The following MFSD6 variants were observed in gnomAD, a reference collection of about 807,000 sequenced individuals.
MFSD6 encodes the protein major facilitator superfamily domain-containing protein 6.
MFSD6 carries 26 observed loss-of-function variants against 56.3 expected under a neutral mutation model. That is an observed-to-expected ratio of 0.46 (90% CI 0.34 to 0.64). The LOEUF (loss-of-function observed/expected upper bound fraction) is 0.64. Ranked by LOEUF, MFSD6 falls within the 30% of genes least tolerant of loss-of-function variation. The pLI, the probability that MFSD6 is intolerant of heterozygous loss-of-function variation, is 0.01. For missense variants in MFSD6, 750 were observed against 986.2 expected, an observed-to-expected ratio of 0.76 and a Z score of 3.21; for synonymous variants, 331 against 366.9, an observed-to-expected ratio of 0.90 and a Z score of 1.12.
In MFSD6 at chr2:190,439,076, C is replaced by T. The variant is rs965498940; in HGVS notation, c.1532+1515C>T. ...AAGAGAGCCCACATAATATTAAGGA[C>T]TCGGAATGCCCTTTAATTTTGTCCA... On this transcript the variant is annotated intron_variant, in intron 3 of 7. Coordinates refer to ENST00000392328, the MANE Select transcript of MFSD6 (RefSeq NM_017694.4). This position sits in a 1 kb window ranked among gnomAD's most constrained non-coding sequence, Gnocchi z 5.8. Among the ~76,000 whole-genome samples the T allele has an allele frequency of 1.3e-5, 2 of 152,050 alleles. No homozygotes were observed. Among genetic ancestry groups the T allele is most frequent in the African/African-American group, 4.8e-5 (2 of 41,416 alleles).
At chr2:190,444,783 G>C (rs1227309989) in intron 3 of MFSD6, 3 of 309,594 alleles carry the variant, frequency 9.7e-6, no homozygotes, top group Admixed American at 6.5e-5. Flanking sequence ...TGAGTATTAG[G>C]GTGCTAAAAC....
rs1371574878 is a variant in MFSD6 at position 190,472,138 on chromosome 2, G to GA, written c.1630+2289dup. Among the ~76,000 whole-genome samples, 8 of 152,082 alleles carry GA rather than the reference G, an allele frequency of 5.3e-5. No individual in the cohort carries two copies. The South Asian group carries it at 1.0e-3, about 20-fold the overall frequency. On this transcript the variant is annotated intron_variant, in intron 4 of 7. Transcript: ENST00000392328. ...AGGTAGTTAAAACCACAAAGATGGG[G>GA]AAAAAACAGAGCAGAAAAACTGAAA...
chr2:190,486,029 T>C (rs1688990262), intron 4 of MFSD6, among the ~76,000 whole-genome samples: 1 of 152,238 alleles, frequency 6.6e-6, no homozygotes, highest in South Asian at 2.1e-4. Context: ...ATTTCTGTCT[T>C]CCTATAAATA....
At chr2:190,452,873 A>G (rs566147245) in intron 3 of MFSD6, among the ~76,000 whole-genome samples, 130 of 152,326 alleles carry the variant, frequency 8.5e-4, no homozygotes, top group Non-Finnish European at 1.5e-3. Flanking sequence ...TGTACTGAAT[A>G]TAAGTGGCAA....
rs1687695009 is a variant in MFSD6, at chr2:190,467,986, CCT to C, written c.1533-1771_1533-1770del. On this transcript the variant is annotated intron_variant, in intron 3 of 7. Transcript: ENST00000392328. This position sits in a 1 kb window ranked among gnomAD's most constrained non-coding sequence, Gnocchi z 5.5. ...CTTTATAGAAAAGTGTTTGCTGACC[CCT>C]GAGTTAGGGTAAAGAGAGGCCACCC... Among the ~76,000 whole-genome samples, 2 of 152,168 alleles carry C rather than the reference CCT, an allele frequency of 1.3e-5. No homozygotes were observed. Among genetic ancestry groups the C allele is most frequent in the Non-Finnish European group, 2.9e-5 (2 of 68,030 alleles).
rs1365328899 is a variant in MFSD6, at chr2:190,413,085, C to T, written c.-175-2207C>T. ...TGGCTTTAAAAAGAGCACACCCTCC[C>T]AAACCCCCACCTCTACCTCAGCACC... is the stretch of plus-strand genomic sequence containing the variant. On this transcript the variant is annotated intron_variant, in intron 1 of 7. Transcript: ENST00000392328. This position sits in a 1 kb window ranked among gnomAD's most constrained non-coding sequence, Gnocchi z 4.1. Among the ~76,000 whole-genome samples the T allele has an allele frequency of 6.6e-6, 1 of 152,186 alleles. No individual in the cohort carries two copies. The highest frequency in any genetic ancestry group is 1.5e-5 in the Non-Finnish European group (1 of 68,028).
chr2:190,475,417 A>G (rs889875875), intron 4 of MFSD6, among the ~76,000 whole-genome samples: 10 of 152,252 alleles, frequency 6.6e-5, no homozygotes, highest in African/African-American at 1.7e-4. Flanking sequence ...CTTATATACC[A>G]GTAACAGCCA....
In MFSD6 at chr2:190,446,209, C is replaced by A. The variant is rs1184758259; in HGVS notation, c.1532+8648C>A. ...CAAAATGAGATTAAGCCTTGCTGAA[C>A]TTTATCTGAGTTTTAATAATCATAG... On this transcript the variant is annotated intron_variant, in intron 3 of 7. Coordinates refer to ENST00000392328, the MANE Select transcript of MFSD6 (RefSeq NM_017694.4). 2.0e-5 allele frequency among the ~76,000 whole-genome samples: 3 copies of A among 152,280 alleles called. No individual in the cohort carries two copies. In the East Asian group the frequency reaches 5.8e-4, roughly 29 times the overall value.
intron 2 of MFSD6, among the ~76,000 whole-genome samples, chr2:190,428,738 A>G (rs140261264): frequency 7.2e-5 from 11 of 152,030 alleles, no homozygotes; most frequent in African/African-American, 2.2e-4. Flanking sequence ...CAGTGGTGCT[A>G]TCTCAGCTCA....
Position 190,411,003 on chromosome 2 carries a change from C to A in MFSD6, c.-176+2500C>A, listed in dbSNP as rs1445477138. The A allele has an allele frequency of 1.6e-5, 6 of 376,046 alleles. No individual in the cohort carries two copies. In the South Asian group the frequency reaches 6.6e-4, roughly 41 times the overall value. 23.3% of individuals were successfully genotyped at this position (376,046 alleles called of 1,614,324 possible). A position where few individuals can be genotyped will look rare whatever the true frequency, so the allele number is the denominator to read the frequency against. On this transcript the variant is annotated intron_variant, in intron 1 of 7. Transcript: ENST00000392328. ...CCGGGAGGTGGAGGTTGCAGTGAGC[C>A]GAGATCGCGCCACTGCACTCCAGCC...
rs958684420 is a variant in MFSD6 at position 190,438,629 on chromosome 2, T to C, written c.1532+1068T>C. Among the ~76,000 whole-genome samples the C allele has an allele frequency of 5.4e-4, 82 of 152,328 alleles. No individual in the cohort carries two copies. Among genetic ancestry groups the C allele is most frequent in the African/African-American group, 1.9e-3 (80 of 41,572 alleles). ...CTTTCTGCTCTGTTGGCTCTAAATG[T>C]GGAGCCAACTCCACTTAAGCATTCT... On this transcript the variant is annotated intron_variant, in intron 3 of 7. Transcript: ENST00000392328. This position sits in a 1 kb window ranked among gnomAD's most constrained non-coding sequence, Gnocchi z 5.2.
At chr2:190,480,880 TATAA>T (rs957850115) in intron 4 of MFSD6, among the ~76,000 whole-genome samples, 17 of 152,150 alleles carry the variant, frequency 1.1e-4, no homozygotes, top group African/African-American at 2.9e-4. Context: ...TAAAATAAAT[TATAA>T]ATAAATATAA....
At position 190,454,922 on chromosome 2, in the gene MFSD6, C is replaced by T. The variant is rs1202461648; in HGVS notation, c.1533-14836C>T. On this transcript the variant is annotated intron_variant, in intron 3 of 7. Coordinates refer to ENST00000392328, the MANE Select transcript of MFSD6 (RefSeq NM_017694.4). The surrounding 1 kb of genome is among the most constrained non-coding windows in gnomAD (Gnocchi z 4.6). ...GTATTTTTCTGTATGTATATGTGTT[C>T]CTGGTTTCTGTATGTATATGTATAT... Among the ~76,000 whole-genome samples the T allele has an allele frequency of 1.5e-5, 2 of 132,788 alleles. No homozygotes were observed. The highest frequency in any genetic ancestry group is 3.1e-5 in the Non-Finnish European group (2 of 64,568). The allele number at this position is 132,788 out of a possible 152,430, so 87.1% of individuals were successfully genotyped here. A position where few individuals can be genotyped will look rare whatever the true frequency, so the allele number is the denominator to read the frequency against.
In MFSD6 at chr2:190,494,730, C is replaced by T. The variant is rs1689564830; in HGVS notation, c.1892-2709C>T. On this transcript the variant is annotated intron_variant, in intron 6 of 7. Transcript: ENST00000392328. This position sits in a 1 kb window ranked among gnomAD's most constrained non-coding sequence, Gnocchi z 5.7. ...CAATAAATGTCTTTCACCACATAAA[C>T]AGAATTAAAAACAAAAATCACATGA... is the stretch of plus-strand genomic sequence containing the variant. Among the ~76,000 whole-genome samples the T allele has an allele frequency of 6.6e-6, 1 of 152,108 alleles. No individual in the cohort carries two copies. Among genetic ancestry groups the T allele is most frequent in the Non-Finnish European group, 1.5e-5 (1 of 68,010 alleles).
chr2:190,466,763 T>C (rs1158709677), intron 3 of MFSD6, among the ~76,000 whole-genome samples: 1 of 152,176 alleles, frequency 6.6e-6, no homozygotes, highest in Non-Finnish European at 1.5e-5. Flanking sequence ...AGGGTACCTG[T>C]TTGCTCCTAA....
At chr2:190,432,861 C>T (rs544439647) in intron 2 of MFSD6, among the ~76,000 whole-genome samples, 5 of 138,156 alleles carry the variant, frequency 3.6e-5, no homozygotes, top group African/African-American at 1.3e-4. Flanking sequence ...CTCTCTCTTT[C>T]ACTCACTTAC....
intron 4 of MFSD6, among the ~76,000 whole-genome samples, chr2:190,472,397 CT>C (rs1687999774): frequency 6.6e-6 from 1 of 152,064 alleles, no homozygotes; most frequent in Non-Finnish European, 1.5e-5. Context: ...CTTAAAGGAC[CT>C]GATGGAGCTG....
Position 190,469,524 on chromosome 2 carries a change from T to C in MFSD6, c.1533-234T>C. On this transcript the variant is annotated intron_variant, in intron 3 of 7. Coordinates refer to ENST00000392328, the MANE Select transcript of MFSD6 (RefSeq NM_017694.4). The surrounding 1 kb of genome is among the most constrained non-coding windows in gnomAD (Gnocchi z 5.3). ...ATATTAACAAGCATTTTGAAAAGGC[T>C]GAGGGCAGATATGTTAGAAGCCATC... 1 of 220,070 alleles carries C rather than the reference T, an allele frequency of 4.5e-6. No individual in the cohort carries two copies. The highest frequency in any genetic ancestry group is 8.8e-6 in the Non-Finnish European group (1 of 114,136). 13.6% of individuals were successfully genotyped at this position (220,070 alleles called of 1,614,324 possible). A position where few individuals can be genotyped will look rare whatever the true frequency, so the allele number is the denominator to read the frequency against.
intron 2 of MFSD6, among the ~76,000 whole-genome samples, chr2:190,428,818 A>G (rs546259935): frequency 2.6e-5 from 4 of 152,040 alleles, no homozygotes; most frequent in Non-Finnish European, 5.9e-5. Context: ...GATTACAGGC[A>G]TCTGCCACCA....
Sources: gnomAD v4.1 joint callset for allele counts (sites outside exome capture counted in the v4.1 genomes callset) on GRCh38, gnomAD v4.1.1 for gene constraint, Gnocchi (gnomAD v3.1) non-coding constraint, MANE v1.5 for transcripts, NCBI Gene and HGNC (gene_info 2026-07-23, HGNC 2026-07-21) for gene names.